Variants in RYR3 observed in about 807,000 individuals in gnomAD.
RYR3 encodes the protein brain ryanodine receptor-calcium release channel.
Under a neutral mutation model 584.3 loss-of-function variants are expected in RYR3, and 207 were observed. The ratio of observed to expected loss-of-function variants is 0.35; its 90% confidence interval spans 0.32 to 0.40. The LOEUF (loss-of-function observed/expected upper bound fraction) is 0.40. RYR3 is among the 10% of genes least tolerant of loss of function. The pLI is 1.00. For synonymous variants in RYR3, 2,416 were observed against 2,248.5 expected (o/e 1.07, Z -2.11); for missense variants, 5,616 against 6,089.2 (o/e 0.92, Z 2.59).
intron 68 of RYR3, 130 bp downstream of exon 68, chr15:33,800,987 G>T: frequency 2.9e-6 from 2 of 683,986 alleles, no homozygotes; most frequent in South Asian, 3.5e-5. Flanking sequence ...TGAGGACCAC[G>T]ACCCATGACA....
At chr15:33,723,657 T>C (rs1265142486) in intron 44 of RYR3, among the ~76,000 whole-genome samples, 1 of 152,080 alleles carries the variant, frequency 6.6e-6, no homozygotes, top group East Asian at 1.9e-4. Flanking sequence ...TCAAGCAACA[T>C]GAGAAAAAAA....
At chr15:33,626,026 A>G (rs1280281768) in intron 20 of RYR3, among the ~76,000 whole-genome samples, 1 of 152,214 alleles carries the variant, frequency 6.6e-6, no homozygotes, top group African/African-American at 2.4e-5. Flanking sequence ...GAAGGAGCTT[A>G]TCCATGGATG....
At chr15:33,607,877 A>G (rs564683442) in intron 18 of RYR3, among the ~76,000 whole-genome samples, 2 of 152,250 alleles carry the variant, frequency 1.3e-5, no homozygotes, top group African/African-American at 4.8e-5. Context: ...ATTGCTCTAT[A>G]TAGATTAATT....
At chr15:33,603,060 G>C (rs1461097528) in intron 17 of RYR3, 63 bp from the exon 18 acceptor site, 1 of 1,587,166 alleles carries the variant, frequency 6.3e-7, no homozygotes, top group South Asian at 1.2e-5. Context: ...CTATGGTCTG[G>C]TTCAACTTGC....
At chr15:33,452,692 A>G (rs1040236856) in intron 1 of RYR3, among the ~76,000 whole-genome samples, 1 of 136,620 alleles carries the variant, frequency 7.3e-6, no homozygotes, top group Non-Finnish European at 1.6e-5. Context: ...ACAGCCAAAA[A>G]AATTGAGGTG....
At chr15:33,525,206 C>G (rs528740071) in intron 3 of RYR3, among the ~76,000 whole-genome samples, 1 of 152,322 alleles carries the variant, frequency 6.6e-6, no homozygotes, top group East Asian at 1.9e-4. Context: ...AATAACCCCG[C>G]CTTTCTCCTG....
At chr15:33,400,517 TAG>T (rs1363628862) in intron 1 of RYR3, among the ~76,000 whole-genome samples, 1 of 152,200 alleles carries the variant, frequency 6.6e-6, no homozygotes, top group African/African-American at 2.4e-5. Context: ...TTTCCCTATT[TAG>T]AGGTCTGTGA....
chr15:33,347,495 G>A (rs1463625753), intron 1 of RYR3, among the ~76,000 whole-genome samples: 1 of 150,590 alleles, frequency 6.6e-6, no homozygotes, highest in Non-Finnish European at 1.5e-5. Context: ...CGCCCAGGCT[G>A]GAGTGCAGTG....
chr15:33,613,259 C>T lies in RYR3; in HGVS notation c.2241C>T (p.Asp747=), dbSNP rs772898344. The stretch of plus-strand genomic sequence containing the variant: ...ATGACGTGGTAAGCTGCTGCCTGGA[C>T]CTCGGGGTGCCCAGCATCTCATTCC... The part of the protein sequence containing the change: ...RSDDVVSCCL[D]LGVPSISFRI... Residue 747 remains aspartate, a synonymous_variant, in exon 19 of 104, where the codon GAC becomes GAT. Coordinates refer to ENST00000634891, the MANE Select transcript of RYR3 (RefSeq NM_001036.6). 1 of 1,613,932 alleles carries T rather than the reference C, an allele frequency of 6.2e-7. No homozygotes were observed. Among genetic ancestry groups the T allele is most frequent in the South Asian group, 1.1e-5 (1 of 91,058 alleles).
intron 1 of RYR3, among the ~76,000 whole-genome samples, chr15:33,434,652 G>GC (rs1484346258): frequency 6.6e-6 from 1 of 152,076 alleles, no homozygotes; most frequent in East Asian, 1.9e-4. Context: ...TTGCTATTCA[G>GC]CTAAAGTAAC....
chr15:33,538,914 G>A (rs1435106), intron 5 of RYR3, among the ~76,000 whole-genome samples: 131,551 of 152,022 alleles, frequency 0.87, 57,523 homozygotes, highest in Middle Eastern at 0.98. Context: ...CTTTAAAAAA[G>A]CTTCCCTTAG....
intron 36 of RYR3, 77 bp downstream of exon 36, chr15:33,663,814 CTA>C: frequency 7.8e-7 from 1 of 1,279,164 alleles, no homozygotes; most frequent in Non-Finnish European, 1.1e-6. Flanking sequence ...CATGAAACCT[CTA>C]TGGTCTCTGG....
chr15:33,854,968 G>C, intron 98 of RYR3, 56 bp downstream of exon 98: 2 of 1,504,410 alleles, frequency 1.3e-6, no homozygotes, highest in Non-Finnish European at 1.8e-6. Flanking sequence ...AGGAAAAAAA[G>C]AACAGCAGGT....
intron 65 of RYR3, among the ~76,000 whole-genome samples, chr15:33,783,168 G>A (rs932877294): frequency 6.6e-6 from 1 of 152,202 alleles, no homozygotes; most frequent in African/African-American, 2.4e-5. Context: ...GTTCAAGACT[G>A]TTGAGCCCCA....
At chr15:33,670,998 T>C (rs1235203096) in intron 38 of RYR3, among the ~76,000 whole-genome samples, 1 of 152,122 alleles carries the variant, frequency 6.6e-6, no homozygotes, top group Non-Finnish European at 1.5e-5. Flanking sequence ...ATATAGGATA[T>C]GAGTTTGGGG....
At chr15:33,802,523 A>G (rs1443435345) in intron 69 of RYR3, among the ~76,000 whole-genome samples, 1 of 148,784 alleles carries the variant, frequency 6.7e-6, no homozygotes, top group African/African-American at 2.5e-5. Flanking sequence ...TTGAAAAGGC[A>G]TATCGGACAT....
intron 36 of RYR3, among the ~76,000 whole-genome samples, chr15:33,666,024 T>TGA (rs2063476006): frequency 6.6e-6 from 1 of 151,994 alleles, no homozygotes; most frequent in African/African-American, 2.4e-5. Flanking sequence ...TTCTTTTTTG[T>TGA]GACAGAGTCT....
intron 1 of RYR3, chr15:33,473,205 A>T (rs750149520): frequency 1.2e-5 from 8 of 684,074 alleles, no homozygotes; most frequent in Admixed American, 5.5e-5. Context: ...CACTGACCTC[A>T]CTCCAGGATT....
chr15:33,721,699 G>T (rs1048602801), intron 43 of RYR3, among the ~76,000 whole-genome samples: 6 of 152,104 alleles, frequency 3.9e-5, no homozygotes, highest in African/African-American at 1.4e-4. Flanking sequence ...ATGAAAAAAA[G>T]TCTTGCTCTT....
Sources: gnomAD v4.1 joint callset for allele counts (sites outside exome capture counted in the v4.1 genomes callset) on GRCh38, gnomAD v4.1.1 for gene constraint, MANE v1.5 for transcripts, NCBI Gene and HGNC (gene_info 2026-07-23, HGNC 2026-07-21) for gene names.